TBC1D22A: variants seen among roughly 807,000 people sequenced by gnomAD.
TBC1D22A encodes putative GTPase activator.
A neutral mutation model predicts 60.2 loss-of-function variants in TBC1D22A; 38 were observed. That is an observed-to-expected ratio of 0.63 (90% CI 0.49 to 0.83). TBC1D22A has a LOEUF of 0.83. Ranked by LOEUF, TBC1D22A falls within the 40% of genes least tolerant of loss-of-function variation. TBC1D22A has a pLI of 0.00. For synonymous variants in TBC1D22A, 302 were observed against 281.7 expected, an observed-to-expected ratio of 1.07 and a Z score of -0.72; for missense variants, 628 against 701.0, an observed-to-expected ratio of 0.90 and a Z score of 1.18.
intron 12 of TBC1D22A, among the ~76,000 whole-genome samples, chr22:47,153,306 G>A (rs738671): frequency 0.56 from 85,210 of 152,058 alleles, 24,438 homozygotes; most frequent in East Asian, 0.77. Flanking sequence ...AAGGGAGCCC[G>A]GGAAATGCAG....
intron 9 of TBC1D22A, among the ~76,000 whole-genome samples, chr22:46,994,217 G>T (rs565982433): frequency 2.0e-5 from 3 of 152,188 alleles, no homozygotes; most frequent in Non-Finnish European, 4.4e-5. Context: ...TGGAGGCAAA[G>T]AATAACTTTT....
intron 10 of TBC1D22A, among the ~76,000 whole-genome samples, chr22:47,022,852 A>G (rs2062135386): frequency 6.6e-6 from 1 of 152,224 alleles, no homozygotes; most frequent in South Asian, 2.1e-4. Flanking sequence ...AAGCTTAAAA[A>G]CAGGATCCCA....
intron 1 of TBC1D22A, among the ~76,000 whole-genome samples, chr22:46,780,082 A>G (rs1341912657): frequency 6.6e-6 from 1 of 152,240 alleles, no homozygotes; most frequent in Non-Finnish European, 1.5e-5. Context: ...ACTTCTGAAT[A>G]TATTTTATAA....
intron 4 of TBC1D22A, among the ~76,000 whole-genome samples, chr22:46,827,485 T>G (rs911082234): frequency 1.1e-4 from 16 of 152,242 alleles, no homozygotes; most frequent in African/African-American, 3.9e-4. Flanking sequence ...CGGAATCTGC[T>G]TTCCTTTCTC....
intron 10 of TBC1D22A, among the ~76,000 whole-genome samples, chr22:47,001,717 A>T (rs568840723): frequency 6.6e-6 from 1 of 152,324 alleles, no homozygotes; most frequent in East Asian, 1.9e-4. Context: ...TAATTCTTTT[A>T]TATAATCTTT....
At chr22:47,126,839 G>A (rs1338733492) in intron 12 of TBC1D22A, among the ~76,000 whole-genome samples, 1 of 152,202 alleles carries the variant, frequency 6.6e-6, no homozygotes, top group African/African-American at 2.4e-5. Flanking sequence ...ACTGTGAGTG[G>A]GAGGAGTTCT....
chr22:47,041,892 C>T (rs2062856595), intron 11 of TBC1D22A, among the ~76,000 whole-genome samples: 1 of 152,240 alleles, frequency 6.6e-6, no homozygotes, highest in South Asian at 2.1e-4. Context: ...TGAGACTTGC[C>T]TACCGAGGCA....
chr22:46,928,591 G>A (rs1192331170), intron 8 of TBC1D22A, among the ~76,000 whole-genome samples: 3 of 152,188 alleles, frequency 2.0e-5, no homozygotes, highest in African/African-American at 7.2e-5. Flanking sequence ...GAAAACTTTG[G>A]TGTTACAAAT....
chr22:46,985,962 T>C (rs562182783), intron 9 of TBC1D22A, among the ~76,000 whole-genome samples: 1 of 152,230 alleles, frequency 6.6e-6, no homozygotes, highest in East Asian at 1.9e-4. Context: ...ATTTTTTTTC[T>C]TTTGTGGTAA....
intron 12 of TBC1D22A, among the ~76,000 whole-genome samples, chr22:47,152,614 G>A (rs987159055): frequency 6.6e-6 from 1 of 152,250 alleles, no homozygotes; most frequent in East Asian, 1.9e-4. Context: ...GCCACACTTA[G>A]GGCCACTCTT....
At chr22:46,953,187 C>A (rs2073011180) in intron 8 of TBC1D22A, among the ~76,000 whole-genome samples, 1 of 152,150 alleles carries the variant, frequency 6.6e-6, no homozygotes, top group South Asian at 2.1e-4. Context: ...TTATTTATAT[C>A]AATATGAATT....
intron 11 of TBC1D22A, among the ~76,000 whole-genome samples, chr22:47,062,165 A>C (rs1463866101): frequency 6.6e-6 from 1 of 151,044 alleles, no homozygotes; most frequent in Non-Finnish European, 1.5e-5. Context: ...CAGAACGCGG[A>C]TTGTTTTCCC....
chr22:46,789,839 G>A (rs553542856), intron 1 of TBC1D22A, among the ~76,000 whole-genome samples: 1 of 152,102 alleles, frequency 6.6e-6, no homozygotes, highest in African/African-American at 2.4e-5. Context: ...ATTCTAGGTG[G>A]ATTGAAAACT....
At chr22:47,161,901 C>T (rs1294710703) in intron 12 of TBC1D22A, among the ~76,000 whole-genome samples, 1 of 152,244 alleles carries the variant, frequency 6.6e-6, no homozygotes, top group Non-Finnish European at 1.5e-5. Context: ...GAGCTGCCGG[C>T]GCTCTTGCAT....
chr22:47,016,909 C>T (rs552937175), intron 10 of TBC1D22A, among the ~76,000 whole-genome samples: 9 of 150,972 alleles, frequency 6.0e-5, no homozygotes, highest in African/African-American at 1.2e-4. Flanking sequence ...TGGGGCCCGG[C>T]GAGCCTCCCA....
chr22:47,137,056 A>G (rs1473290834), intron 12 of TBC1D22A, among the ~76,000 whole-genome samples: 1 of 152,106 alleles, frequency 6.6e-6, no homozygotes, highest in African/African-American at 2.4e-5. Flanking sequence ...AAAATAAGAT[A>G]AAAAGAAGAA....
At chr22:47,166,535 G>A (rs114392547) in intron 12 of TBC1D22A, among the ~76,000 whole-genome samples, 353 of 152,326 alleles carry the variant, frequency 2.3e-3, no homozygotes, top group African/African-American at 8.2e-3. Flanking sequence ...ACCACTCATG[G>A]CCCTTGAAGG....
intron 7 of TBC1D22A, among the ~76,000 whole-genome samples, chr22:46,904,626 G>A (rs1038345485): frequency 3.2e-4 from 48 of 151,724 alleles, no homozygotes; most frequent in African/African-American, 1.0e-3. Flanking sequence ...CCGCCACCAC[G>A]CCCGGCTAAT....
chr22:46,981,928 A>G (rs1251492627), intron 9 of TBC1D22A, among the ~76,000 whole-genome samples: 3 of 152,226 alleles, frequency 2.0e-5, no homozygotes, highest in South Asian at 2.1e-4. Flanking sequence ...TCCAGTGTGC[A>G]CAGAAGATCT....
Sources: allele counts gnomAD v4.1 joint callset (sites outside exome capture counted in the v4.1 genomes callset), GRCh38; gene constraint gnomAD v4.1.1; transcripts MANE v1.5; gene names NCBI Gene and HGNC (gene_info 2026-07-23, HGNC 2026-07-21).